Variants in DIP2C observed in about 807,000 individuals in gnomAD.
The protein encoded by DIP2C is disco-interacting protein 2 homolog C.
Under a neutral mutation model 192.4 loss-of-function variants are expected in DIP2C, and 33 were observed. The ratio of observed to expected loss-of-function variants is 0.17; its 90% confidence interval spans 0.13 to 0.23. The LOEUF is 0.23. DIP2C is among the 10% of genes least tolerant of loss of function. The pLI is 1.00. For synonymous variants in DIP2C, 979 were observed against 864.1 expected (o/e 1.13, Z -2.33); for missense variants, 1,537 against 2,110.1 (o/e 0.73, Z 5.32).
At position 329,440 on chromosome 10, in the gene DIP2C, G is replaced by C; in HGVS notation, c.3746C>G (p.Ser1249Cys). ...GCCAAGGGAGCTGCTTACCTTGAGG[G>C]ACTCTGTTTGCGAGCCCAGCCCCTT... is the stretch of plus-strand genomic sequence containing the variant. ...CTKGLGSQTE[S>C]LKARGLDLSR... The change falls in exon 30 of 37, where the codon TCC becomes TGC. Residue 1249 changes from serine to cysteine, a missense_variant. By Grantham distance (112) the Ser-to-Cys change is moderately radical. This residue lies in a region of DIP2C where 341 missense variants were observed against 551.7 expected (regional missense o/e 0.62). Transcript: ENST00000280886. The C allele has an allele frequency of 1.9e-6, 3 of 1,613,304 alleles. No individual in the cohort carries two copies. The highest frequency in any genetic ancestry group is 1.7e-6 in the Non-Finnish European group (2 of 1,179,612).
chr10:439,778 T>C (rs1461307646), intron 4 of DIP2C, among the ~76,000 whole-genome samples: 4 of 152,212 alleles, frequency 2.6e-5, no homozygotes, highest in Admixed American at 1.3e-4. Context: ...TCTGATCTGA[T>C]GCATGTCCTT....
chr10:574,025 C>G, intron 1 of DIP2C, among the ~76,000 whole-genome samples: 1 of 152,178 alleles, frequency 6.6e-6, no homozygotes, highest in East Asian at 1.9e-4. Flanking sequence ...CTGTCTTCTA[C>G]TCAAATTAAG....
chr10:441,560 C>T (rs538420737), intron 3 of DIP2C, among the ~76,000 whole-genome samples: 1 of 151,918 alleles, frequency 6.6e-6, no homozygotes, highest in Admixed American at 6.6e-5. Context: ...GTGCTATTAT[C>T]GTGATAGTGA....
At chr10:506,921 G>T (rs1481147454) in intron 1 of DIP2C, among the ~76,000 whole-genome samples, 6 of 152,170 alleles carry the variant, frequency 3.9e-5, no homozygotes, top group Non-Finnish European at 7.3e-5. Context: ...GTCACCCACT[G>T]TGCATGATCA....
intron 35 of DIP2C, among the ~76,000 whole-genome samples, chr10:281,812 T>C (rs950246952): frequency 2.6e-5 from 4 of 152,208 alleles, no homozygotes; most frequent in Non-Finnish European, 5.9e-5. Flanking sequence ...AAAGAAAGCA[T>C]AGCTCTTGCT....
intron 1 of DIP2C, among the ~76,000 whole-genome samples, chr10:526,022 G>A (rs538140590): frequency 8.5e-5 from 13 of 152,352 alleles, no homozygotes; most frequent in African/African-American, 2.2e-4. Context: ...AACGCCTGGC[G>A]TGGATTTTCC....
intron 1 of DIP2C, among the ~76,000 whole-genome samples, chr10:569,670 T>C (rs1337080567): frequency 6.6e-6 from 1 of 152,154 alleles, no homozygotes; most frequent in Non-Finnish European, 1.5e-5. Context: ...TAACTACTGC[T>C]GCAAAATAAA....
chr10:580,548 C>T (rs1026626425), intron 1 of DIP2C, among the ~76,000 whole-genome samples: 1 of 152,066 alleles, frequency 6.6e-6, no homozygotes, highest in African/African-American at 2.4e-5. Flanking sequence ...CATGCATGCC[C>T]ATAGCATGCA....
At chr10:621,300 C>T (rs959556942) in intron 1 of DIP2C, among the ~76,000 whole-genome samples, 77 of 151,056 alleles carry the variant, frequency 5.1e-4, no homozygotes, top group Middle Eastern at 3.4e-3. Context: ...CACATCTGTC[C>T]CTGCCAACAC....
At chr10:458,512 CGGCA>C (rs1969488706) in intron 3 of DIP2C, among the ~76,000 whole-genome samples, 1 of 149,920 alleles carries the variant, frequency 6.7e-6, no homozygotes, top group Admixed American at 6.6e-5. Flanking sequence ...GAACCTGTGA[CGGCA>C]AGGATGCCCT....
chr10:561,973 C>T (rs1183384113), intron 1 of DIP2C, among the ~76,000 whole-genome samples: 1 of 152,226 alleles, frequency 6.6e-6, no homozygotes, highest in Non-Finnish European at 1.5e-5. Context: ...CCGGGCCGTG[C>T]ACCTGTTCCT....
chr10:482,664 T>C (rs1843692052), intron 2 of DIP2C, among the ~76,000 whole-genome samples: 1 of 152,214 alleles, frequency 6.6e-6, no homozygotes, highest in Admixed American at 6.5e-5. Context: ...AGGAGCTGTA[T>C]CTGAGCAAAG....
At chr10:406,592 C>T (rs1470544086) in intron 9 of DIP2C, among the ~76,000 whole-genome samples, 1 of 152,226 alleles carries the variant, frequency 6.6e-6, no homozygotes, top group Non-Finnish European at 1.5e-5. Flanking sequence ...GGAGAACAAA[C>T]TAACCTTGGG....
At chr10:421,378 T>A (rs11252332) in intron 5 of DIP2C, among the ~76,000 whole-genome samples, 37,754 of 152,134 alleles carry the variant, frequency 0.25, 5,864 homozygotes, top group Non-Finnish European at 0.35. Context: ...CCCATTTCCT[T>A]AAAATTGAAT....
At chr10:357,125 G>T (rs1049994058) in intron 23 of DIP2C, among the ~76,000 whole-genome samples, 1 of 152,162 alleles carries the variant, frequency 6.6e-6, no homozygotes, top group Non-Finnish European at 1.5e-5. Context: ...ACATTTCACG[G>T]TGCTGATTTT....
intron 1 of DIP2C, among the ~76,000 whole-genome samples, chr10:504,204 A>T (rs1024179098): frequency 5.3e-5 from 8 of 152,252 alleles, no homozygotes; most frequent in Non-Finnish European, 1.2e-4. Context: ...ACAGCGTATC[A>T]ATCACTGTCA....
chr10:558,927 C>A (rs1006714325), intron 1 of DIP2C, among the ~76,000 whole-genome samples: 3 of 151,228 alleles, frequency 2.0e-5, no homozygotes, highest in Admixed American at 1.3e-4. Flanking sequence ...GACCACCCGA[C>A]CCCTCCCCCA....
intron 8 of DIP2C, among the ~76,000 whole-genome samples, chr10:409,930 C>T (rs774587581): frequency 2.6e-5 from 4 of 152,206 alleles, no homozygotes; most frequent in East Asian, 1.9e-4. Context: ...GCTGCCAGAG[C>T]GTCTCAGTAG....
At chr10:545,219 T>A (rs1848224446) in intron 1 of DIP2C, among the ~76,000 whole-genome samples, 1 of 134,300 alleles carries the variant, frequency 7.4e-6, no homozygotes, top group African/African-American at 2.9e-5. Context: ...CAGGCTGGAG[T>A]GTAGTGGCAT....
Sources: allele counts gnomAD v4.1 joint callset (sites outside exome capture counted in the v4.1 genomes callset), GRCh38; gene constraint gnomAD v4.1.1; regional missense constraint gnomAD v4.1.1; transcripts MANE v1.5; gene names NCBI Gene and HGNC (gene_info 2026-07-23, HGNC 2026-07-21).